The following PHF21A variants were observed in gnomAD, a reference collection of about 807,000 sequenced individuals.
PHF21A encodes PHD finger protein 21A.
A neutral mutation model predicts 82.5 loss-of-function variants in PHF21A; 11 were observed. The ratio of observed to expected loss-of-function variants is 0.13; its 90% confidence interval spans 0.08 to 0.22. PHF21A has a LOEUF of 0.22. PHF21A is among the 10% of genes least tolerant of loss of function. PHF21A has a pLI of 1.00. For synonymous variants in PHF21A, 297 were observed against 302.8 expected (o/e 0.98, Z 0.20); for missense variants, 579 against 837.8 (o/e 0.69, Z 3.81).
intron 5 of PHF21A, 28 bp downstream of exon 5, chr11:46,079,106 A>T (rs1316543171): frequency 7.2e-7 from 1 of 1,388,614 alleles, no homozygotes; most frequent in East Asian, 2.3e-5. Context: ...AAATTTAACA[A>T]TTAAATGAAT....
chr11:45,960,165 T>C lies in PHF21A; in HGVS notation c.996+5150A>G, dbSNP rs572411480. Among the ~76,000 whole-genome samples the C allele has an allele frequency of 7.9e-5, 12 of 152,332 alleles. No homozygotes were observed. In the South Asian group the frequency reaches 2.5e-3, roughly 32 times the overall value. On this transcript the variant is annotated intron_variant, in intron 10 of 18. Coordinates refer to ENST00000676320, the MANE Select transcript of PHF21A (RefSeq NM_001352027.3). The stretch of plus-strand genomic sequence containing the variant: ...CAGAATTACTGTATGACCCAGCAAT[T>C]TCTACTCCTAGGTATATACCCTAAA...
At chr11:46,057,264 T>C (rs1467114970) in intron 6 of PHF21A, among the ~76,000 whole-genome samples, 2 of 152,182 alleles carry the variant, frequency 1.3e-5, no homozygotes, top group Non-Finnish European at 2.9e-5. Flanking sequence ...AACTCAGCTA[T>C]AATCTTTGCA....
intron 1 of PHF21A, among the ~76,000 whole-genome samples, chr11:46,109,816 C>A (rs1309104595): frequency 6.6e-6 from 1 of 151,962 alleles, no homozygotes; most frequent in Non-Finnish European, 1.5e-5. Flanking sequence ...ACCGTCTCTA[C>A]TGAAAATACA....
chr11:46,089,372 T>G (rs1384619937), intron 3 of PHF21A, among the ~76,000 whole-genome samples: 1 of 152,198 alleles, frequency 6.6e-6, no homozygotes, highest in African/African-American at 2.4e-5. Context: ...AAAATTCTTT[T>G]AATACTATTT....
intron 6 of PHF21A, among the ~76,000 whole-genome samples, chr11:46,037,640 CAAAAAAAAAA>C (rs1000939610): frequency 6.8e-5 from 4 of 59,062 alleles, no homozygotes; most frequent in Non-Finnish European, 1.6e-4. Context: ...AACGTCATCT[CAAAAAAAAAA>C]AAAAAAAAAA....
chr11:45,937,557 T>G (rs1405797978), intron 16 of PHF21A, among the ~76,000 whole-genome samples: 2 of 152,242 alleles, frequency 1.3e-5, no homozygotes, highest in African/African-American at 2.4e-5. Context: ...CTCCGCTCAC[T>G]GCAGCCTCCA....
At chr11:46,000,794 C>T (rs955253226) in intron 6 of PHF21A, among the ~76,000 whole-genome samples, 2 of 151,862 alleles carry the variant, frequency 1.3e-5, no homozygotes, top group African/African-American at 4.8e-5. Context: ...GTGGTGGGTG[C>T]CTGTAATCCC....
chr11:46,051,204 G>A (rs1427501506), intron 6 of PHF21A, among the ~76,000 whole-genome samples: 1 of 152,032 alleles, frequency 6.6e-6, no homozygotes, highest in African/African-American at 2.4e-5. Context: ...TAAAGTATGT[G>A]GTTTCTTATA....
chr11:45,974,177 T>A (rs1300418233), intron 7 of PHF21A, among the ~76,000 whole-genome samples: 1 of 152,218 alleles, frequency 6.6e-6, no homozygotes, highest in Non-Finnish European at 1.5e-5. Flanking sequence ...ACTGTATGCT[T>A]CAGTGAAAAC....
chr11:46,077,361 ACCAGGGCATTTT>A (rs2096738638), intron 5 of PHF21A, among the ~76,000 whole-genome samples: 1 of 152,238 alleles, frequency 6.6e-6, no homozygotes, highest in Non-Finnish European at 1.5e-5. Flanking sequence ...CACACTGACT[ACCAGGGCATTTT>A]CTCAGTTCTA....
At chr11:45,957,621 C>T (rs2092733688) in intron 10 of PHF21A, among the ~76,000 whole-genome samples, 3 of 151,692 alleles carry the variant, frequency 2.0e-5, no homozygotes, top group South Asian at 4.2e-4. Context: ...AAAACTTATG[C>T]GATGCTGTGA....
At position 45,979,888 on chromosome 11, in the gene PHF21A, G is replaced by A. The variant is rs772700844; in HGVS notation, c.232C>T (p.Pro78Ser). 6.2e-7 allele frequency: 1 copy of A among 1,614,148 alleles called. No homozygotes were observed. Among genetic ancestry groups the A allele is most frequent in the Non-Finnish European group, 8.5e-7 (1 of 1,180,032 alleles). Residue 78 changes from proline to serine, a missense_variant, in exon 7 of 19, where the codon CCA (proline) becomes TCA (serine). This residue lies in a region of PHF21A where 410 missense variants were observed against 642.1 expected (regional missense o/e 0.64). Coordinates refer to ENST00000676320, the MANE Select transcript of PHF21A (RefSeq NM_001352027.3). ...QPDKFQIQPLPQSENKLQTAQ... is the reference protein window; with the variant it reads ...QPDKFQIQPLSQSENKLQTAQ... ...GTTTGTAGTTTGTTTTCAGATTGTG[G>A]CAATGGCTGTATTTGGAACTTGTCC... is the stretch of plus-strand genomic sequence containing the variant.
At chr11:46,089,838 G>A (rs1461311839) in intron 3 of PHF21A, among the ~76,000 whole-genome samples, 1 of 151,086 alleles carries the variant, frequency 6.6e-6, no homozygotes, top group Non-Finnish European at 1.5e-5. Context: ...TTTTAAAAAA[G>A]GAATCTCTAC....
chr11:46,087,661 A>G lies in PHF21A; in HGVS notation c.-84+2794T>C, dbSNP rs2096872460. Among the ~76,000 whole-genome samples the G allele has an allele frequency of 3.3e-5, 5 of 152,342 alleles. No homozygotes were observed. The South Asian group carries it at 1.0e-3, about 32-fold the overall frequency. On this transcript the variant is annotated intron_variant, in intron 3 of 18. Coordinates refer to ENST00000676320, the MANE Select transcript of PHF21A (RefSeq NM_001352027.3). ...TATAGTTTACAAAAACAAGGCAGGT[A>G]CATGTTGAATCTTGTTTGTTTAATT...
intron 6 of PHF21A, among the ~76,000 whole-genome samples, chr11:46,010,638 C>T (rs541547146): frequency 6.6e-6 from 1 of 152,272 alleles, no homozygotes; most frequent in East Asian, 1.9e-4. Context: ...AATCACAAAA[C>T]AAAACAATCT....
intron 10 of PHF21A, among the ~76,000 whole-genome samples, chr11:45,954,368 T>C (rs1375827433): frequency 6.6e-6 from 1 of 152,138 alleles, no homozygotes; most frequent in African/African-American, 2.4e-5. Flanking sequence ...TAAAAACATC[T>C]CACATACACA....
At chr11:45,993,181 CTATT>C in intron 6 of PHF21A, among the ~76,000 whole-genome samples, 1 of 152,266 alleles carries the variant, frequency 6.6e-6, no homozygotes, top group South Asian at 2.1e-4. Context: ...AAACATACGA[CTATT>C]TAATAATTTT....
intron 6 of PHF21A, among the ~76,000 whole-genome samples, chr11:46,073,769 T>A (rs1452718058): frequency 1.3e-5 from 2 of 152,204 alleles, no homozygotes; most frequent in East Asian, 1.9e-4. Flanking sequence ...CTATATAACA[T>A]ATAATTTATG....
chr11:46,082,527 T>C (rs560384885), intron 4 of PHF21A, among the ~76,000 whole-genome samples: 5 of 152,330 alleles, frequency 3.3e-5, no homozygotes, highest in African/African-American at 7.2e-5. Flanking sequence ...TAAATGTTTA[T>C]AATCACACAA....
Sources: gnomAD v4.1 joint callset for allele counts (sites outside exome capture counted in the v4.1 genomes callset) on GRCh38, gnomAD v4.1.1 for gene constraint, gnomAD v4.1.1 regional missense constraint, MANE v1.5 for transcripts, NCBI Gene and HGNC (gene_info 2026-07-23, HGNC 2026-07-21) for gene names.